Variants in GON4L observed in about 807,000 individuals in gnomAD.
GON4L encodes GON-4-like protein.
A neutral mutation model predicts 211.8 loss-of-function variants in GON4L; 87 were observed. That is an observed-to-expected ratio of 0.41 (90% CI 0.35 to 0.49). The LOEUF (loss-of-function observed/expected upper bound fraction) is 0.49, where lower values mean the gene tolerates loss of function less well. GON4L is among the 20% of genes least tolerant of loss of function. The probability of loss-of-function intolerance (pLI) is 0.15; values close to 1 mark genes in which losing one functional copy is unlikely to be tolerated. For missense variants in GON4L, 2,155 were observed against 2,659.5 expected (o/e 0.81, Z 4.17); for synonymous variants, 875 against 962.6 (o/e 0.91, Z 1.68).
intron 10 of GON4L, among the ~76,000 whole-genome samples, chr1:155,807,606 A>C (rs1414988489): frequency 6.9e-6 from 1 of 144,722 alleles, no homozygotes; most frequent in Non-Finnish European, 1.5e-5. Context: ...CAGGAGGCTG[A>C]GGCAGGACAA....
At chr1:155,771,846 T>C (rs547049274) in intron 18 of GON4L, among the ~76,000 whole-genome samples, 32 of 152,280 alleles carry the variant, frequency 2.1e-4, no homozygotes, top group Admixed American at 1.0e-3. Context: ...TTCAGATACT[T>C]AGTGAGTACT....
intron 3 of GON4L, among the ~76,000 whole-genome samples, chr1:155,823,765 T>A (rs1000665704): frequency 2.0e-5 from 3 of 151,744 alleles, no homozygotes; most frequent in African/African-American, 7.3e-5. Flanking sequence ...TGGTGGTGTG[T>A]CCCTGTAATC....
At chr1:155,784,119 T>C (rs980983306) in intron 13 of GON4L, 30 bp from the exon 14 acceptor site, 2 of 1,611,654 alleles carry the variant, frequency 1.2e-6, no homozygotes, top group African/African-American at 2.7e-5. Context: ...AGGGTTTTCC[T>C]GGGGAATGGG....
chr1:155,821,633 T>C (rs1179668211), intron 4 of GON4L, 85 bp from the exon 5 acceptor site: 3 of 810,520 alleles, frequency 3.7e-6, no homozygotes, highest in Admixed American at 1.7e-5. Context: ...GTCAGACCTA[T>C]GTACAGGACA....
At chr1:155,809,493 T>G (rs1667476460) in intron 10 of GON4L, among the ~76,000 whole-genome samples, 1 of 148,814 alleles carries the variant, frequency 6.7e-6, no homozygotes, top group African/African-American at 2.4e-5. Flanking sequence ...CTCAGAGCTA[T>G]TCCATTCAAT....
intron 6 of GON4L, among the ~76,000 whole-genome samples, chr1:155,818,076 C>T (rs6657670): frequency 0.28 from 42,768 of 151,786 alleles, 6,695 homozygotes; most frequent in East Asian, 0.7. Flanking sequence ...AATTTGATCT[C>T]CTTGGATTTT....
intron 2 of GON4L, among the ~76,000 whole-genome samples, chr1:155,844,884 TTGTAG>T (rs1250779096): frequency 6.6e-6 from 1 of 152,230 alleles, no homozygotes; most frequent in Non-Finnish European, 1.5e-5. Context: ...TTTAGCCTCC[TTGTAG>T]TGTGTGTCTT....
chr1:155,756,858 G>C, intron 27 of GON4L, 100 bp downstream of exon 27: 1 of 805,706 alleles, frequency 1.2e-6, no homozygotes, highest in Non-Finnish European at 2.1e-6. Flanking sequence ...GAATCTGGGA[G>C]GTGGAGGTTG....
At chr1:155,836,137 T>G (rs1046859204) in intron 2 of GON4L, among the ~76,000 whole-genome samples, 6 of 152,024 alleles carry the variant, frequency 3.9e-5, no homozygotes, top group Non-Finnish European at 5.9e-5. Flanking sequence ...CCCAGGTACT[T>G]GGGAGGCTGA....
chr1:155,848,922 CG>C (rs1473022095), intron 2 of GON4L, among the ~76,000 whole-genome samples: 3 of 142,878 alleles, frequency 2.1e-5, no homozygotes, highest in Non-Finnish European at 4.6e-5. Context: ...CCGAGGCAGG[CG>C]GATCACCTGA....
intron 2 of GON4L, among the ~76,000 whole-genome samples, chr1:155,844,144 G>A (rs1464062319): frequency 2.0e-5 from 3 of 152,144 alleles, no homozygotes; most frequent in Non-Finnish European, 2.9e-5. Flanking sequence ...CCTTGGCAGG[G>A]GCTTTGCATA....
chr1:155,795,893 C>A (rs1474007349), intron 11 of GON4L, among the ~76,000 whole-genome samples: 1 of 152,168 alleles, frequency 6.6e-6, no homozygotes, highest in Non-Finnish European at 1.5e-5. Context: ...ATGCCTCGGC[C>A]TCCCAAAGTG....
At chr1:155,805,707 TG>T (rs1224079317) in intron 10 of GON4L, among the ~76,000 whole-genome samples, 2 of 151,896 alleles carry the variant, frequency 1.3e-5, no homozygotes, top group Non-Finnish European at 2.9e-5. Flanking sequence ...TTTTTTTTTT[TG>T]AGACATAGTC....
chr1:155,779,045 T>C (rs1664127915), intron 14 of GON4L, among the ~76,000 whole-genome samples: 1 of 151,568 alleles, frequency 6.6e-6, no homozygotes, highest in African/African-American at 2.4e-5. Flanking sequence ...GGTGGGCGGA[T>C]CACGAGGTCA....
chr1:155,749,281 T>A (rs529893966), downstream of GON4L: 1 of 1,607,338 alleles, frequency 6.2e-7, no homozygotes, highest in South Asian at 1.1e-5. Context: ...TAGTTTGTTA[T>A]TCATGCTGCC....
In GON4L at chr1:155,766,283, C is replaced by A; in HGVS notation, c.3190G>T (p.Glu1064Ter). ...GVPPLGVSGG[E>*]SFESPAALPA... ...AGTGCTGCAGGAGACTCAAAACTCT[C>A]ACCTCCACTGACCCCCAGTGGAGGG... The change falls in exon 21 of 32, where the codon GAG becomes TAG. Residue 1064 changes from glutamate to a stop codon, truncating the protein, a stop_gained. Coordinates refer to ENST00000368331, the MANE Select transcript of GON4L (RefSeq NM_001282860.2). LOFTEE classifies it high-confidence loss of function. The A allele has an allele frequency of 6.2e-7, 1 of 1,614,162 alleles. No homozygotes were observed. The highest frequency in any genetic ancestry group is 8.5e-7 in the Non-Finnish European group (1 of 1,180,034).
intron 18 of GON4L, 101 bp downstream of exon 18, chr1:155,772,963 CGT>C: frequency 6.9e-7 from 1 of 1,446,480 alleles, no homozygotes; most frequent in Non-Finnish European, 9.7e-7. Context: ...CTTTTGTGTC[CGT>C]GTCTTATTAT....
In GON4L at chr1:155,765,540, C is replaced by T. The variant is rs1057259648; in HGVS notation, c.3933G>A (p.Glu1311=). Residue 1311 remains glutamate (E), a synonymous_variant, in exon 21 of 32, where the codon GAG becomes GAA. Transcript: ENST00000368331. ...ALEPLPQGIQ[E]SLNNPTPGDL... is the part of the protein sequence containing the mutation. ...CCCCAGGGGTAGGGTTGTTTAGAGA[C>T]TCCTGGATGCCCTGAGGGAGCGGCT... The T allele has an allele frequency of 3.7e-6, 6 of 1,614,096 alleles. No homozygotes were observed. Among genetic ancestry groups the T allele is most frequent in the Non-Finnish European group, 4.2e-6 (5 of 1,180,058 alleles).
intron 3 of GON4L, among the ~76,000 whole-genome samples, chr1:155,826,369 A>G (rs1669217561): frequency 1.3e-5 from 2 of 152,196 alleles, no homozygotes; most frequent in South Asian, 4.1e-4. Flanking sequence ...GTTCGAGACC[A>G]GCCTGGCCAA....
Sources: gnomAD v4.1 joint callset for allele counts (sites outside exome capture counted in the v4.1 genomes callset) on GRCh38, gnomAD v4.1.1 for gene constraint, MANE v1.5 for transcripts, NCBI Gene and HGNC (gene_info 2026-07-23, HGNC 2026-07-21) for gene names.